The following ZNF141 variants were observed in gnomAD, a reference collection of about 807,000 sequenced individuals.
The protein encoded by ZNF141 is zinc finger protein 141 (clone pHZ-44).
ZNF141 carries 7 observed loss-of-function variants against 11.3 expected under a neutral mutation model. The observed-to-expected ratio is 0.62, with a 90% CI of 0.35 to 1.16. The LOEUF (loss-of-function observed/expected upper bound fraction) is 1.16, where lower values mean the gene tolerates loss of function less well. ZNF141 is among the 50% of genes most tolerant of loss of function. The probability of loss-of-function intolerance (pLI) is 0.02; values close to 1 mark genes in which losing one functional copy is unlikely to be tolerated. For missense variants in ZNF141, 535 were observed against 554.0 expected (o/e 0.97, Z 0.34); for synonymous variants, 183 against 190.7 (o/e 0.96, Z 0.33).
chr4:340,683 G>A (rs1485368077), intron 1 of ZNF141, among the ~76,000 whole-genome samples: 1 of 152,210 alleles, frequency 6.6e-6, no homozygotes, highest in Non-Finnish European at 1.5e-5. Flanking sequence ...CAAGTGATGT[G>A]TTAAAATGAG....
Position 380,889 on chromosome 4 carries a change from T to A in ZNF141, c.*7027T>A, listed in dbSNP as rs1712583265. On this transcript the variant is annotated 3_prime_UTR_variant, in exon 4 of 4. Transcript: ENST00000240499. ...ACAAAAATTGTTAAATGTTGTCATA[T>A]ATGTGTGTGCAAAACGTATAAAATA... is the stretch of plus-strand genomic sequence containing the variant. 6.6e-6 allele frequency among the ~76,000 whole-genome samples: 1 copy of A among 152,166 alleles called. No homozygotes were observed. Among genetic ancestry groups the A allele is most frequent in the African/African-American group, 2.4e-5 (1 of 41,434 alleles).
chr4:357,418 CAA>C (rs565649782), intron 3 of ZNF141, among the ~76,000 whole-genome samples: 38 of 93,304 alleles, frequency 4.1e-4, no homozygotes, highest in Admixed American at 9.5e-4. Flanking sequence ...GACTCTGTCT[CAA>C]AAAAAAAAAA....
At chr4:338,157 C>A in intron 1 of ZNF141, 171 bp downstream of exon 1, 1 of 781,354 alleles carries the variant, frequency 1.3e-6, no homozygotes, top group Non-Finnish European at 2.0e-6. Context: ...CGCACAGCGG[C>A]TCTGGCCCAG....
At chr4:360,262 C>G (rs17719492) in intron 3 of ZNF141, among the ~76,000 whole-genome samples, 35,631 of 152,036 alleles carry the variant, frequency 0.23, 4,314 homozygotes, top group Middle Eastern at 0.28. Context: ...GCCATATGTT[C>G]CGATATGTTC....
chr4:378,378 C>T lies in ZNF141; in HGVS notation c.*4516C>T, dbSNP rs1443866234. 2.0e-5 allele frequency among the ~76,000 whole-genome samples: 3 copies of T among 151,984 alleles called. No individual in the cohort carries two copies. The highest frequency in any genetic ancestry group is 2.9e-5 in the Non-Finnish European group (2 of 67,984). ...CCGCCTCCCAGGTTCAAGTGATTCT[C>T]CTGCCTCAGCCTCCTGAGTTAACTG... On this transcript the variant is annotated 3_prime_UTR_variant, in exon 4 of 4. Coordinates refer to ENST00000240499, the MANE Select transcript of ZNF141 (RefSeq NM_003441.4).
intron 1 of ZNF141, among the ~76,000 whole-genome samples, chr4:342,522 G>A (rs1045662454): frequency 6.6e-6 from 1 of 152,188 alleles, no homozygotes; most frequent in Non-Finnish European, 1.5e-5. Context: ...GAGACTTGCT[G>A]TAAAAAGCTA....
intron 3 of ZNF141, among the ~76,000 whole-genome samples, chr4:365,517 T>TA (rs1711699261): frequency 6.6e-6 from 1 of 151,688 alleles, no homozygotes; most frequent in African/African-American, 2.4e-5. Flanking sequence ...TTTTTGTTGT[T>TA]AAGTTTGTTA....
intron 3 of ZNF141, among the ~76,000 whole-genome samples, chr4:370,770 GC>G (rs1156931022): frequency 6.6e-6 from 1 of 151,492 alleles, no homozygotes; most frequent in African/African-American, 2.4e-5. Context: ...TTGCTCTGTT[GC>G]CCAGGCTGGA....
intron 3 of ZNF141, among the ~76,000 whole-genome samples, chr4:364,528 G>A (rs1236265897): frequency 2.0e-5 from 3 of 152,038 alleles, no homozygotes; most frequent in East Asian, 1.9e-4. Flanking sequence ...CTGTGGGATC[G>A]GTGGTTATAT....
In ZNF141 at chr4:337,827, G is replaced by GCTA. The variant is rs1316355605; in HGVS notation, c.-152_-150dup. On this transcript the variant is annotated 5_prime_UTR_variant, in exon 1 of 4. Transcript: ENST00000240499. ...GATGTGGCGCGGGTCTTTGCGTCTG[G>GCTA]CTACTACCAGACCGCGGGTTAGGGG... 3.2e-6 allele frequency: 3 copies of GCTA among 932,228 alleles called. No homozygotes were observed. Among genetic ancestry groups the GCTA allele is most frequent in the Non-Finnish European group, 5.0e-6 (3 of 595,440 alleles). The allele number at this position is 932,228 out of a possible 1,614,324, so 57.7% of individuals were successfully genotyped here. A position where few individuals can be genotyped will look rare whatever the true frequency, so the allele number is the denominator to read the frequency against.
Position 374,483 on chromosome 4 carries a change from C to T in ZNF141, c.*621C>T, listed in dbSNP as rs3805234. 48,742 of 292,170 alleles carry T rather than the reference C, an allele frequency of 0.17. 5,417 individuals carry two copies. Among genetic ancestry groups the T allele is most frequent in the African/African-American group, 0.35 (16,073 of 45,590 alleles). 18.1% of individuals were successfully genotyped at this position (292,170 alleles called of 1,614,324 possible). Reference sequence around the variant, plus strand: ...CATGTAAAGAATGTGGCAAAGCCTTCAATAGGTTCTCAACCCTTACTGTGC... The same window carrying T: ...CATGTAAAGAATGTGGCAAAGCCTTTAATAGGTTCTCAACCCTTACTGTGC... On this transcript the variant is annotated 3_prime_UTR_variant, in exon 4 of 4. Coordinates refer to ENST00000240499, the MANE Select transcript of ZNF141 (RefSeq NM_003441.4).
chr4:352,394 A>G (rs1219807062), intron 3 of ZNF141, among the ~76,000 whole-genome samples: 4 of 151,808 alleles, frequency 2.6e-5, no homozygotes, highest in African/African-American at 9.7e-5. Flanking sequence ...TCAAAAAAAA[A>G]GAGGAAGGTG....
Position 382,379 on chromosome 4 carries a change from G to C in ZNF141, c.*8517G>C, listed in dbSNP as rs554995116. On this transcript the variant is annotated 3_prime_UTR_variant, in exon 4 of 4. Transcript: ENST00000240499. ...GGCTAAATTGCACTGGGAAAAAATAGCAGCAGCCCTATTGCTATGTCACTT... is the reference window on the plus strand; with the variant it reads ...GGCTAAATTGCACTGGGAAAAAATACCAGCAGCCCTATTGCTATGTCACTT... Among the ~76,000 whole-genome samples, 6 of 152,282 alleles carry C rather than the reference G, an allele frequency of 3.9e-5. No homozygotes were observed. The South Asian group carries it at 8.3e-4, about 21-fold the overall frequency.
At chr4:352,351 C>T (rs915894018) in intron 3 of ZNF141, among the ~76,000 whole-genome samples, 9 of 152,114 alleles carry the variant, frequency 5.9e-5, no homozygotes, top group Admixed American at 4.6e-4. Flanking sequence ...TATACCACTG[C>T]GCTCCAGCCT....
In ZNF141 at chr4:378,721, A is replaced by G. The variant is rs547827946; in HGVS notation, c.*4859A>G. 8.6e-5 allele frequency among the ~76,000 whole-genome samples: 13 copies of G among 151,626 alleles called. No individual in the cohort carries two copies. Among genetic ancestry groups the G allele is most frequent in the Non-Finnish European group, 1.5e-4 (10 of 67,990 alleles). ...TTCTTTGTTTTAGTGGATGCATTTC[A>G]TGGGCTACAGTTTTCATTTTTACTC... On this transcript the variant is annotated 3_prime_UTR_variant, in exon 4 of 4. Coordinates refer to ENST00000240499, the MANE Select transcript of ZNF141 (RefSeq NM_003441.4).
chr4:342,003 CTGAATTGTACTTAACACTT>C (rs1291413905), intron 1 of ZNF141, among the ~76,000 whole-genome samples: 4 of 152,178 alleles, frequency 2.6e-5, no homozygotes, highest in Admixed American at 1.3e-4. Context: ...AAAAATTCCT[CTGAATTGTACTTAACACTT>C]TCTTTGGCTC....
intron 3 of ZNF141, among the ~76,000 whole-genome samples, chr4:349,738 G>C (rs76849836): frequency 0.16 from 25,050 of 152,052 alleles, 2,760 homozygotes; most frequent in African/African-American, 0.32. Context: ...TGCCTTTGAT[G>C]ATTGTATTAC....
chr4:350,919 T>TC (rs1158635207), intron 3 of ZNF141, among the ~76,000 whole-genome samples: 2 of 151,052 alleles, frequency 1.3e-5, no homozygotes, highest in African/African-American at 2.4e-5. Context: ...TTTTGTACTT[T>TC]TTTTTTTTTT....
chr4:337,848 A>T lies in ZNF141; in HGVS notation c.-136A>T. 1 of 1,192,282 alleles carries T rather than the reference A, an allele frequency of 8.4e-7. No homozygotes were observed. Among genetic ancestry groups the T allele is most frequent in the Middle Eastern group, 2.0e-4 (1 of 5,074 alleles). The allele number at this position is 1,192,282 out of a possible 1,614,324, so 73.9% of individuals were successfully genotyped here. On this transcript the variant is annotated 5_prime_UTR_variant, in exon 1 of 4. Coordinates refer to ENST00000240499, the MANE Select transcript of ZNF141 (RefSeq NM_003441.4). ...TCTGGCTACTACCAGACCGCGGGTT[A>T]GGGGCTTCATCTCTCTGCGTTCTCA...
Sources: allele counts gnomAD v4.1 joint callset (sites outside exome capture counted in the v4.1 genomes callset), GRCh38; gene constraint gnomAD v4.1.1; transcripts MANE v1.5; gene names NCBI Gene and HGNC (gene_info 2026-07-23, HGNC 2026-07-21).